The following KITLG variants were observed in gnomAD, a reference collection of about 807,000 sequenced individuals.
KITLG encodes the protein c-Kit ligand.
KITLG carries 13 observed loss-of-function variants against 34.1 expected under a neutral mutation model. The observed-to-expected ratio is 0.38, with a 90% CI of 0.25 to 0.61. The LOEUF (loss-of-function observed/expected upper bound fraction) is 0.61. KITLG is among the 20% of genes least tolerant of loss of function. The pLI is 0.60. For missense variants in KITLG, 292 were observed against 318.9 expected (o/e 0.92, Z 0.64); for synonymous variants, 110 against 104.0 (o/e 1.06, Z -0.35).
chr12:88,530,114 A>G (rs1373958539), intron 3 of KITLG, among the ~76,000 whole-genome samples: 1 of 152,166 alleles, frequency 6.6e-6, no homozygotes, highest in Non-Finnish European at 1.5e-5. Flanking sequence ...TTTTTCAAAG[A>G]GCAGCAGGTT....
intron 1 of KITLG, among the ~76,000 whole-genome samples, chr12:88,557,892 A>T (rs1222820448): frequency 6.6e-6 from 1 of 152,164 alleles, no homozygotes; most frequent in Non-Finnish European, 1.5e-5. Flanking sequence ...CATCACCCTG[A>T]TGTACAAGAA....
Position 88,494,652 on chromosome 12 carries a change from C to T in KITLG, c.*2567G>A, listed in dbSNP as rs1236952914. On this transcript the variant is annotated 3_prime_UTR_variant, in exon 10 of 10. Transcript: ENST00000644744. ...TCAGGAGGCAACATTTATCATAAAG[C>T]CATTTTCTAAATAGACCTGGTTTCT... is the stretch of plus-strand genomic sequence containing the variant. 1 of 152,308 alleles carries T rather than the reference C, an allele frequency of 6.6e-6. No individual in the cohort carries two copies. Among genetic ancestry groups the T allele is most frequent in the Non-Finnish European group, 1.5e-5 (1 of 67,876 alleles). The allele number at this position is 152,308 out of a possible 1,614,324, so 9.4% of individuals were successfully genotyped here.
At chr12:88,522,446 T>G (rs1869707755) in intron 3 of KITLG, among the ~76,000 whole-genome samples, 1 of 74,934 alleles carries the variant, frequency 1.3e-5, no homozygotes, top group Admixed American at 1.5e-4. Flanking sequence ...TTTTTTTTTT[T>G]GAGACAGTCT....
At chr12:88,566,660 T>C (rs948384269) in intron 1 of KITLG, among the ~76,000 whole-genome samples, 2 of 152,112 alleles carry the variant, frequency 1.3e-5, no homozygotes, top group Non-Finnish European at 2.9e-5. Flanking sequence ...GGAATGAAAC[T>C]TACCACTCGG....
chr12:88,513,731 T>G (rs1011992407), intron 6 of KITLG, among the ~76,000 whole-genome samples: 1 of 151,620 alleles, frequency 6.6e-6, no homozygotes, highest in African/African-American at 2.4e-5. Flanking sequence ...ATAATCAATG[T>G]ATAAGCCCAT....
chr12:88,519,899 G>C (rs1869596221), intron 3 of KITLG, among the ~76,000 whole-genome samples: 1 of 152,128 alleles, frequency 6.6e-6, no homozygotes, highest in Non-Finnish European at 1.5e-5. Context: ...GCTGGGATTA[G>C]AGGCGTGAGT....
intron 2 of KITLG, among the ~76,000 whole-genome samples, chr12:88,539,765 A>T (rs981329009): frequency 6.6e-6 from 1 of 152,046 alleles, no homozygotes; most frequent in Non-Finnish European, 1.5e-5. Context: ...CAAGAAAAAA[A>T]TTTAAAAAAT....
At chr12:88,518,937 T>G in intron 3 of KITLG, 70 bp from the exon 4 acceptor site, 1 of 1,347,928 alleles carries the variant, frequency 7.4e-7, no homozygotes. Flanking sequence ...CGGAGTACTC[T>G]TCAAAGCTAT....
chr12:88,513,470 TAACA>T (rs1320854563), intron 6 of KITLG, among the ~76,000 whole-genome samples: 5 of 151,726 alleles, frequency 3.3e-5, no homozygotes, highest in African/African-American at 1.2e-4. Context: ...GCACTCTAAT[TAACA>T]ATCAGAGATA....
chr12:88,499,702 T>A (rs1868779732), intron 9 of KITLG, among the ~76,000 whole-genome samples: 1 of 152,340 alleles, frequency 6.6e-6, no homozygotes, highest in East Asian at 1.9e-4. Context: ...GTAAGTCCCA[T>A]AGTCTCCAAA....
intron 2 of KITLG, among the ~76,000 whole-genome samples, chr12:88,545,303 T>C (rs180996574): frequency 6.6e-6 from 1 of 152,168 alleles, no homozygotes; most frequent in Admixed American, 6.6e-5. Flanking sequence ...TGTGACAGGG[T>C]CTTCCTGCTG....
chr12:88,538,714 C>G (rs1870415225), intron 2 of KITLG, among the ~76,000 whole-genome samples: 1 of 151,850 alleles, frequency 6.6e-6, no homozygotes. Context: ...GATAAGTAAC[C>G]AAGGCTACGT....
At chr12:88,500,397 C>T (rs1868806578) in intron 9 of KITLG, among the ~76,000 whole-genome samples, 1 of 152,188 alleles carries the variant, frequency 6.6e-6, no homozygotes, top group African/African-American at 2.4e-5. Flanking sequence ...CAAAGTAACT[C>T]TGTAAACTTT....
chr12:88,543,824 CTT>C (rs1312284561), intron 2 of KITLG, among the ~76,000 whole-genome samples: 1 of 152,120 alleles, frequency 6.6e-6, no homozygotes, highest in Non-Finnish European at 1.5e-5. Context: ...GCTTTGTAGA[CTT>C]ATTTTTTTCC....
Position 88,506,359 on chromosome 12 carries a change from G to A in KITLG, c.734C>T (p.Thr245Ile), listed in dbSNP as rs904965794. 1.1e-5 allele frequency: 17 copies of A among 1,608,020 alleles called. No homozygotes were observed. Among genetic ancestry groups the A allele is most frequent in the Middle Eastern group, 1.7e-4 (1 of 6,048 alleles). The change falls in exon 8 of 10, where the codon ACA becomes ATA. Residue 245 changes from threonine (T) to isoleucine (I), a missense_variant. By Grantham distance (89) the Thr-to-Ile change is moderately conservative (BLOSUM62 -1). This residue lies in a region of KITLG where 140 missense variants were observed against 111.0 expected (regional missense o/e 1.26). Transcript: ENST00000644744. ...LYWKKRQPSL[T>I]RAVENIQINE... is the part of the protein sequence containing the mutation. Reference sequence around the variant, plus strand: ...AATTTGTATATTTTCAACTGCCCTTGTAAGACTTGGCTGTCTCTTCTGGAA... The same window carrying A: ...AATTTGTATATTTTCAACTGCCCTTATAAGACTTGGCTGTCTCTTCTGGAA...
intron 2 of KITLG, among the ~76,000 whole-genome samples, chr12:88,544,197 G>T (rs1195242540): frequency 1.3e-5 from 2 of 152,038 alleles, no homozygotes; most frequent in East Asian, 3.9e-4. Context: ...TTTACTATGT[G>T]CTGTGTGTCA....
intron 3 of KITLG, 109 bp from the exon 4 acceptor site, chr12:88,518,976 C>T: frequency 1.0e-6 from 1 of 969,326 alleles, no homozygotes; most frequent in South Asian, 1.4e-5. Context: ...GATTCTCCTG[C>T]CTCAGCCTCT....
At chr12:88,566,547 C>T (rs1180962574) in intron 1 of KITLG, among the ~76,000 whole-genome samples, 1 of 152,116 alleles carries the variant, frequency 6.6e-6, no homozygotes, top group East Asian at 1.9e-4. Flanking sequence ...GGAGGACTTC[C>T]TGGAGTAGAG....
rs540975949 is a variant in KITLG, at chr12:88,514,478, C to T, written c.604+1056G>A. 1.3e-3 allele frequency among the ~76,000 whole-genome samples: 196 copies of T among 151,654 alleles called. 1 individual carries two copies. The highest frequency in any genetic ancestry group is 6.8e-3 in the Middle Eastern group (2 of 294). ...GACACATTTTAGAACTGATATGCTA[C>T]GTAATTTAGAATTTTAGGTTTCAGA... On this transcript the variant is annotated intron_variant, in intron 6 of 9. Transcript: ENST00000644744.
Sources: gnomAD v4.1 joint callset for allele counts (sites outside exome capture counted in the v4.1 genomes callset) on GRCh38, gnomAD v4.1.1 for gene constraint, gnomAD v4.1.1 regional missense constraint, MANE v1.5 for transcripts, NCBI Gene and HGNC (gene_info 2026-07-23, HGNC 2026-07-21) for gene names.